Variants in CA10 observed in about 807,000 individuals in gnomAD.
CA10 encodes the protein carbonic anhydrase 10 (inactive), also known as carbonic anhydrase-related protein 10.
In CA10, 14 loss-of-function variants were observed where a neutral mutation model predicts 44.2. That is an observed-to-expected ratio of 0.32 (90% CI 0.21 to 0.50). The LOEUF is 0.50. Among genes scored for constraint, CA10 ranks in the 20% least tolerant of loss-of-function variants. The pLI is 0.99. For synonymous variants in CA10, 159 were observed against 141.6 expected (o/e 1.12, Z -0.87); for missense variants, 350 against 409.7 (o/e 0.85, Z 1.26).
intron 3 of CA10, among the ~76,000 whole-genome samples, chr17:51,786,007 T>C (rs2062560176): frequency 6.6e-6 from 1 of 152,190 alleles, no homozygotes; most frequent in African/African-American, 2.4e-5. Flanking sequence ...GTTTTATTGT[T>C]TTCGTTATAG....
At chr17:51,980,633 G>C (rs1400384005) in intron 2 of CA10, among the ~76,000 whole-genome samples, 1 of 152,034 alleles carries the variant, frequency 6.6e-6, no homozygotes, top group Non-Finnish European at 1.5e-5. Context: ...TTGTCTTCCA[G>C]GGTTTTTATA....
intron 3 of CA10, among the ~76,000 whole-genome samples, chr17:51,767,885 G>T (rs1905447993): frequency 6.6e-6 from 1 of 152,100 alleles, no homozygotes. Flanking sequence ...TGCTGCCACT[G>T]ATCTGACAGG....
intron 2 of CA10, among the ~76,000 whole-genome samples, chr17:51,974,482 G>C (rs1477797629): frequency 1.3e-5 from 2 of 149,662 alleles, no homozygotes; most frequent in Non-Finnish European, 3.0e-5. Context: ...AAGAATAAAA[G>C]GAGTCATACA....
At chr17:51,756,751 C>T (rs1905092985) in intron 3 of CA10, among the ~76,000 whole-genome samples, 1 of 152,078 alleles carries the variant, frequency 6.6e-6, no homozygotes, top group South Asian at 2.1e-4. Flanking sequence ...GTTGGGATTA[C>T]AGGTGTGAGC....
intron 2 of CA10, among the ~76,000 whole-genome samples, chr17:51,979,196 T>G (rs1984566183): frequency 6.6e-6 from 1 of 152,142 alleles, no homozygotes; most frequent in South Asian, 2.1e-4. Context: ...GGGTATTTCC[T>G]CCCCCACTTA....
intron 3 of CA10, among the ~76,000 whole-genome samples, chr17:51,926,467 T>C (rs1018832117): frequency 6.6e-6 from 1 of 152,218 alleles, no homozygotes; most frequent in African/African-American, 2.4e-5. Flanking sequence ...AATTACCCCA[T>C]AATTAGTGGC....
At chr17:51,822,224 G>T (rs1190175998) in intron 3 of CA10, among the ~76,000 whole-genome samples, 2 of 152,028 alleles carry the variant, frequency 1.3e-5, no homozygotes, top group African/African-American at 4.8e-5. Flanking sequence ...ACCACAACTA[G>T]CCTGGCCAAC....
At chr17:51,682,824 G>A (rs765151679) in intron 4 of CA10, among the ~76,000 whole-genome samples, 2 of 152,218 alleles carry the variant, frequency 1.3e-5, no homozygotes, top group Non-Finnish European at 2.9e-5. Context: ...TGACGTTGAT[G>A]AAGGGCTCCT....
intron 4 of CA10, among the ~76,000 whole-genome samples, chr17:51,678,750 G>C (rs1357471083): frequency 6.6e-6 from 1 of 152,218 alleles, no homozygotes; most frequent in African/African-American, 2.4e-5. Flanking sequence ...TCTCCTGAGA[G>C]ACAGATCCAG....
chr17:51,874,741 A>G (rs538260840), intron 3 of CA10, among the ~76,000 whole-genome samples: 2 of 152,216 alleles, frequency 1.3e-5, no homozygotes, highest in Admixed American at 6.5e-5. Flanking sequence ...AATGAAGGAC[A>G]GAAAAATGAA....
chr17:52,071,538 T>A (rs1598199456), intron 2 of CA10, among the ~76,000 whole-genome samples: 1 of 152,212 alleles, frequency 6.6e-6, no homozygotes, highest in Admixed American at 6.5e-5. Flanking sequence ...AGACCTCAAC[T>A]GACATCTCCA....
chr17:51,747,708 C>G lies in CA10; in HGVS notation c.390G>C (p.Glu130Asp), dbSNP rs751758219. 6.2e-7 allele frequency: 1 copy of G among 1,614,214 alleles called. No individual in the cohort carries two copies. Among genetic ancestry groups the G allele is most frequent in the South Asian group, 1.1e-5 (1 of 91,082 alleles). ...GPMTYSHRLE[E>D]IRLHFGSEDS... ...CCTCACTCCCAAAGTGTAGTCGGAT[C>G]TCCTCCAGCCGGTGGCTGTATGTCA... The change falls in exon 4 of 9, where the codon GAG becomes GAC. Residue 130 changes from glutamate to aspartate, a missense_variant. Glu to Asp is a conservative substitution (Grantham distance 45). Transcript: ENST00000451037.
intron 4 of CA10, among the ~76,000 whole-genome samples, chr17:51,686,613 C>A (rs1457866801): frequency 6.6e-6 from 1 of 152,054 alleles, no homozygotes; most frequent in Non-Finnish European, 1.5e-5. Context: ...GGAGTGGGCC[C>A]AGGCATTAGT....
intron 1 of CA10, among the ~76,000 whole-genome samples, chr17:52,088,834 T>G (rs1988187354): frequency 6.6e-6 from 1 of 152,160 alleles, no homozygotes; most frequent in Admixed American, 6.5e-5. Context: ...AAATCACAGG[T>G]GAGGCAGATG....
intron 2 of CA10, among the ~76,000 whole-genome samples, chr17:52,059,747 A>C (rs1023742506): frequency 6.6e-6 from 1 of 152,206 alleles, no homozygotes; most frequent in Non-Finnish European, 1.5e-5. Flanking sequence ...TTAATGACTG[A>C]CTACCTCCAA....
chr17:51,842,576 G>A lies in CA10; in HGVS notation c.279+88414C>T, dbSNP rs569351071. ...ATCATGCGCAGTTTTGAAAAGTCAC[G>A]GTCACTAGGTTTACTTGTTGGAAAC... On this transcript the variant is annotated intron_variant, in intron 3 of 8. Transcript: ENST00000451037. Among the ~76,000 whole-genome samples the A allele has an allele frequency of 7.9e-5, 12 of 152,182 alleles. No individual in the cohort carries two copies. In the South Asian group the frequency reaches 2.1e-3, roughly 26 times the overall value.
At chr17:51,939,834 C>T (rs62070776) in intron 2 of CA10, among the ~76,000 whole-genome samples, 19,147 of 151,872 alleles carry the variant, frequency 0.13, 1,658 homozygotes, top group South Asian at 0.3. Flanking sequence ...TTTCTTATAG[C>T]CTCTTATCTA....
chr17:52,117,172 T>C (rs73355405), intron 1 of CA10, among the ~76,000 whole-genome samples: 217 of 152,336 alleles, frequency 1.4e-3, no homozygotes, highest in African/African-American at 4.8e-3. Flanking sequence ...CTGAATTATT[T>C]TTCTCCATTT....
intron 3 of CA10, among the ~76,000 whole-genome samples, chr17:51,767,158 A>C (rs1210587280): frequency 6.6e-6 from 1 of 152,174 alleles, no homozygotes; most frequent in African/African-American, 2.4e-5. Context: ...GGAGGATTTA[A>C]TTATGCCTGT....
Sources: allele counts gnomAD v4.1 joint callset (sites outside exome capture counted in the v4.1 genomes callset), GRCh38; gene constraint gnomAD v4.1.1; transcripts MANE v1.5; gene names NCBI Gene and HGNC (gene_info 2026-07-23, HGNC 2026-07-21).